The following ANTXR2 variants were observed in gnomAD, a reference collection of about 807,000 sequenced individuals.
ANTXR2 encodes ANTXR cell adhesion molecule 2, also known as anthrax toxin receptor 2.
ANTXR2 carries 44 observed loss-of-function variants against 73.7 expected under a neutral mutation model. That is an observed-to-expected ratio of 0.60 (90% CI 0.47 to 0.77). The LOEUF (loss-of-function observed/expected upper bound fraction) is 0.77. Among genes scored for constraint, ANTXR2 ranks in the 30% least tolerant of loss-of-function variants. The pLI is 0.00. For missense variants in ANTXR2, 604 were observed against 592.5 expected, an observed-to-expected ratio of 1.02 and a Z score of -0.20; for synonymous variants, 217 against 205.9, an observed-to-expected ratio of 1.05 and a Z score of -0.46.
chr4:80,033,662 A>G (rs1173648080), intron 8 of ANTXR2, 92 bp from the exon 9 acceptor site: 1 of 951,750 alleles, frequency 1.1e-6, no homozygotes, highest in African/African-American at 1.7e-5. Context: ...GGTGCAAAGA[A>G]TAATTTTTTT....
chr4:79,988,796 TAG>T (rs1254654904), intron 12 of ANTXR2, among the ~76,000 whole-genome samples: 2 of 151,954 alleles, frequency 1.3e-5, no homozygotes, highest in African/African-American at 2.4e-5. Flanking sequence ...CCAATCACAC[TAG>T]CAGAACACAG....
intron 11 of ANTXR2, among the ~76,000 whole-genome samples, chr4:80,013,460 G>A (rs1055912987): frequency 1.3e-5 from 2 of 152,188 alleles, no homozygotes; most frequent in Non-Finnish European, 2.9e-5. Flanking sequence ...TGTTCCTGAA[G>A]CATACAGAGG....
intron 10 of ANTXR2, among the ~76,000 whole-genome samples, chr4:80,028,470 A>C (rs1732539154): frequency 6.6e-6 from 1 of 152,156 alleles, no homozygotes; most frequent in South Asian, 2.1e-4. Context: ...TAAGAAAAGA[A>C]CGGATAGAGC....
At chr4:79,946,300 G>A (rs1728510246) in intron 16 of ANTXR2, among the ~76,000 whole-genome samples, 1 of 152,142 alleles carries the variant, frequency 6.6e-6, no homozygotes, top group Non-Finnish European at 1.5e-5. Context: ...CAAACTCTAA[G>A]ACAAAGATTT....
At chr4:80,048,075 A>G (rs557277747) in intron 7 of ANTXR2, among the ~76,000 whole-genome samples, 1 of 151,550 alleles carries the variant, frequency 6.6e-6, no homozygotes, top group African/African-American at 2.4e-5. Flanking sequence ...ACTTGCATAG[A>G]TTTTTATTCA....
At chr4:80,016,154 CTTT>C (rs767125124) in intron 11 of ANTXR2, among the ~76,000 whole-genome samples, 28 of 151,872 alleles carry the variant, frequency 1.8e-4, no homozygotes, top group Admixed American at 2.0e-4. Context: ...ATTTTCTTTC[CTTT>C]TTTCATTTCA....
At chr4:79,923,192 G>C (rs183850822) in intron 16 of ANTXR2, among the ~76,000 whole-genome samples, 27 of 152,234 alleles carry the variant, frequency 1.8e-4, no homozygotes, top group African/African-American at 6.5e-4. Flanking sequence ...TATTGCATCT[G>C]TATGAATATT....
rs1726752125 is a variant in ANTXR2 at position 79,902,689 on chromosome 4, T to C, written c.*4740A>G. 6.6e-6 allele frequency: 1 copy of C among 151,676 alleles called. No homozygotes were observed. The highest frequency in any genetic ancestry group is 1.5e-5 in the Non-Finnish European group (1 of 67,974). The allele number at this position is 151,676 out of a possible 1,614,324, so 9.4% of individuals were successfully genotyped here. ...TTATAAGAAATTAACTAAGAAATTA[T>C]TATGGCTAATTATCAACATATACTA... On this transcript the variant is annotated 3_prime_UTR_variant, in exon 17 of 17. Coordinates refer to ENST00000403729, the MANE Select transcript of ANTXR2 (RefSeq NM_058172.6).
chr4:80,031,493 G>A (rs1175704149), intron 10 of ANTXR2, 130 bp downstream of exon 10: 3 of 663,936 alleles, frequency 4.5e-6, no homozygotes, highest in South Asian at 2.6e-5. Context: ...TAAGTGGCTT[G>A]CCCAAGGCTT....
chr4:80,041,305 A>T (rs1450570788), intron 7 of ANTXR2, among the ~76,000 whole-genome samples: 1 of 152,014 alleles, frequency 6.6e-6, no homozygotes, highest in Non-Finnish European at 1.5e-5. Flanking sequence ...CTAACTCTTA[A>T]CAAACTAGTG....
chr4:79,977,438 T>G (rs1729682728), intron 16 of ANTXR2, 183 bp downstream of exon 16: 1 of 1,237,292 alleles, frequency 8.1e-7, no homozygotes, highest in Non-Finnish European at 1.1e-6. Flanking sequence ...AAATGTAGTT[T>G]GAAGATGCAT....
intron 16 of ANTXR2, among the ~76,000 whole-genome samples, chr4:79,910,775 C>T (rs1308305923): frequency 6.6e-6 from 1 of 150,592 alleles, no homozygotes; most frequent in African/African-American, 2.4e-5. Context: ...AAGAGGATTA[C>T]CAAGGAGAAA....
intron 14 of ANTXR2, 45 bp downstream of exon 14, chr4:79,983,833 A>G: frequency 7.1e-7 from 1 of 1,415,110 alleles, no homozygotes; most frequent in Non-Finnish European, 1.0e-6. Context: ...CCCTAGAAAT[A>G]CATACTCCAG....
At chr4:79,965,863 C>T (rs1001776625) in intron 16 of ANTXR2, among the ~76,000 whole-genome samples, 7 of 152,120 alleles carry the variant, frequency 4.6e-5, no homozygotes, top group Non-Finnish European at 1.0e-4. Flanking sequence ...TTGTTGAGAA[C>T]ATAGATTTGT....
At chr4:79,919,917 AT>A (rs1212198826) in intron 16 of ANTXR2, among the ~76,000 whole-genome samples, 11 of 16,564 alleles carry the variant, frequency 6.6e-4, no homozygotes, top group African/African-American at 3.3e-3. Flanking sequence ...ATATATATAT[AT>A]ATAAAAAATG....
intron 7 of ANTXR2, among the ~76,000 whole-genome samples, chr4:80,050,438 C>T (rs528966744): frequency 2.6e-5 from 4 of 151,578 alleles, no homozygotes; most frequent in South Asian, 2.1e-4. Flanking sequence ...GTGGACTGCC[C>T]GACAGAAGGA....
chr4:80,019,778 C>T (rs549701087), intron 10 of ANTXR2, among the ~76,000 whole-genome samples: 3 of 152,096 alleles, frequency 2.0e-5, no homozygotes, highest in East Asian at 1.9e-4. Flanking sequence ...TAAAATATCC[C>T]GACAAAGGTA....
At chr4:79,950,555 A>T (rs1186703471) in intron 16 of ANTXR2, among the ~76,000 whole-genome samples, 1 of 152,178 alleles carries the variant, frequency 6.6e-6, no homozygotes, top group Non-Finnish European at 1.5e-5. Context: ...TGTACATTCC[A>T]TGCTATCAAA....
intron 16 of ANTXR2, among the ~76,000 whole-genome samples, chr4:79,932,540 C>T (rs192302185): frequency 6.6e-6 from 1 of 152,004 alleles, no homozygotes; most frequent in Non-Finnish European, 1.5e-5. Flanking sequence ...TGCCTGTAAT[C>T]TCAGCACTTT....
Sources: allele counts gnomAD v4.1 joint callset (sites outside exome capture counted in the v4.1 genomes callset), GRCh38; gene constraint gnomAD v4.1.1; transcripts MANE v1.5; gene names NCBI Gene and HGNC (gene_info 2026-07-23, HGNC 2026-07-21).